Variants in TEX2 observed in about 807,000 individuals in gnomAD.
The protein encoded by TEX2 is testis-expressed protein 2.
TEX2 carries 53 observed loss-of-function variants against 106.9 expected under a neutral mutation model. That is an observed-to-expected ratio of 0.50 (90% CI 0.40 to 0.62). TEX2 has a LOEUF of 0.62. Among genes scored for constraint, TEX2 ranks in the 20% least tolerant of loss-of-function variants. The pLI is 0.00. For missense variants in TEX2, 1,207 were observed against 1,379.0 expected (o/e 0.88, Z 1.98); for synonymous variants, 523 against 534.8 (o/e 0.98, Z 0.30).
At chr17:64,244,404 GC>G (rs1212040788) in intron 1 of TEX2, among the ~76,000 whole-genome samples, 2 of 152,130 alleles carry the variant, frequency 1.3e-5, no homozygotes, top group African/African-American at 4.8e-5. Flanking sequence ...TCTTGAATTT[GC>G]CTCGCACTCA....
chr17:64,192,096 C>T (rs2032322726), intron 4 of TEX2, among the ~76,000 whole-genome samples: 1 of 152,194 alleles, frequency 6.6e-6, no homozygotes, highest in Non-Finnish European at 1.5e-5. Flanking sequence ...AGAAGCAGCA[C>T]AGGTTTAGAC....
chr17:64,256,470 CCT>C lies in TEX2; in HGVS notation c.-26+6696_-26+6697del, dbSNP rs142247017. On this transcript the variant is annotated intron_variant, in intron 1 of 11. Coordinates refer to ENST00000584379, the MANE Select transcript of TEX2 (RefSeq NM_001288732.2). Reference sequence around the variant, plus strand: ...TCTGAGCCTGCCCTTCCCATATTCCCCTCTCTGCCCCTCTGCACAGCAGCCAG... The same window carrying C: ...TCTGAGCCTGCCCTTCCCATATTCCCCTCTGCCCCTCTGCACAGCAGCCAG... Among the ~76,000 whole-genome samples the C allele has an allele frequency of 1.8e-4, 28 of 152,268 alleles. No homozygotes were observed. The East Asian group carries it at 5.2e-3, about 28-fold the overall frequency.
chr17:64,214,032 G>C lies in TEX2; in HGVS notation c.186C>G (p.Asp62Glu). The change falls in exon 2 of 12, where the codon GAC (aspartate) becomes GAG (glutamate). Residue 62 changes from aspartate to glutamate, a missense_variant. This residue lies in a region of TEX2 where 1,067 missense variants were observed against 1,193.6 expected (regional missense o/e 0.89). Transcript: ENST00000584379. ...CTTCCAGCCCTGTTACAATGCTTTG[G>C]TCATCCAGCCCCTCCTCAAAGTACT... The part of the protein sequence containing the change: ...FREYFEEGLD[D>E]QSIVTGLEAK... The C allele has an allele frequency of 6.2e-7, 1 of 1,614,158 alleles. No individual in the cohort carries two copies. Among genetic ancestry groups the C allele is most frequent in the Non-Finnish European group, 8.5e-7 (1 of 1,180,026 alleles).
At chr17:64,210,304 T>C (rs1382762085) in intron 2 of TEX2, among the ~76,000 whole-genome samples, 1 of 152,128 alleles carries the variant, frequency 6.6e-6, no homozygotes, top group Non-Finnish European at 1.5e-5. Context: ...GAAAGTGTCA[T>C]AACATATTGC....
chr17:64,237,492 G>T (rs1274398195), intron 1 of TEX2, among the ~76,000 whole-genome samples: 2 of 152,110 alleles, frequency 1.3e-5, no homozygotes, highest in Non-Finnish European at 2.9e-5. Flanking sequence ...AAATAAACTG[G>T]AAAGAGGCAA....
chr17:64,255,368 C>A (rs1469653825), intron 1 of TEX2, among the ~76,000 whole-genome samples: 5 of 152,088 alleles, frequency 3.3e-5, no homozygotes, highest in African/African-American at 9.7e-5. Flanking sequence ...ATGCAGTGTG[C>A]AGGCATTTTT....
chr17:64,247,338 G>A, intron 1 of TEX2, among the ~76,000 whole-genome samples: 1 of 151,836 alleles, frequency 6.6e-6, no homozygotes. Context: ...AGGAATAAAA[G>A]AGGCAAACCC....
chr17:64,262,133 C>T (rs782350481), intron 1 of TEX2, among the ~76,000 whole-genome samples: 3 of 152,224 alleles, frequency 2.0e-5, no homozygotes, highest in Admixed American at 6.5e-5. Context: ...ATGTGCAGAG[C>T]GGTGATGGTG....
chr17:64,171,126 G>T lies in TEX2; in HGVS notation c.2645C>A (p.Ala882Asp). Residue 882 changes from alanine (A) to aspartate (D), a missense_variant, in exon 7 of 12, where the codon GCC becomes GAC. Around this residue, in one of 3 missense-constraint regions of TEX2, gnomAD observed 1,067 missense variants for 1,193.6 expected, o/e 0.89. Transcript: ENST00000584379. Reference protein sequence around the residue: ...MGVAVPKILQAFKPYVDHQGL... With the variant: ...MGVAVPKILQDFKPYVDHQGL... Reference sequence around the variant, plus strand: ...TTGGTGATCAACGTAAGGCTTGAAGGCCTGGAGGATTTTTGGCACAGCCAC... The same window carrying T: ...TTGGTGATCAACGTAAGGCTTGAAGTCCTGGAGGATTTTTGGCACAGCCAC... 6.2e-7 allele frequency: 1 copy of T among 1,614,106 alleles called. No homozygotes were observed. The highest frequency in any genetic ancestry group is 8.5e-7 in the Non-Finnish European group (1 of 1,179,970).
intron 4 of TEX2, among the ~76,000 whole-genome samples, chr17:64,189,140 C>T (rs1471139713): frequency 6.6e-6 from 1 of 152,172 alleles, no homozygotes; most frequent in African/African-American, 2.4e-5. Context: ...AATTATGCAT[C>T]AAGCACTTTC....
At chr17:64,212,458 TAA>T in intron 2 of TEX2, 114 bp downstream of exon 2, 1 of 992,608 alleles carries the variant, frequency 1.0e-6, no homozygotes, top group Non-Finnish European at 1.5e-6. Flanking sequence ...CCCAAGCTCT[TAA>T]AAAACACGGC....
chr17:64,237,639 G>T (rs1215585980), intron 1 of TEX2, among the ~76,000 whole-genome samples: 1 of 152,144 alleles, frequency 6.6e-6, no homozygotes, highest in East Asian at 1.9e-4. Context: ...AACTTGATGG[G>T]TTGCATATGG....
chr17:64,204,263 T>C (rs2032761278), intron 2 of TEX2, among the ~76,000 whole-genome samples: 1 of 152,214 alleles, frequency 6.6e-6, no homozygotes, highest in South Asian at 2.1e-4. Context: ...AAGTACAGAA[T>C]AGAAATAAAG....
Position 64,177,315 on chromosome 17 carries a change from A to G in TEX2, c.2571+10T>C. On this transcript the variant is annotated intron_variant, in intron 6 of 11. Transcript: ENST00000584379. ...AGAGGATTAGAAGCCTCTTGTGTGG[A>G]AAGTGATACCTTTATTTTGCTGAGT... 1 of 1,614,024 alleles carries G rather than the reference A, an allele frequency of 6.2e-7. No individual in the cohort carries two copies. Among genetic ancestry groups the G allele is most frequent in the South Asian group, 1.1e-5 (1 of 91,048 alleles).
Position 64,213,196 on chromosome 17 carries a change from T to C in TEX2, c.1022A>G (p.Asn341Ser), listed in dbSNP as rs2033064686. 1 of 1,614,222 alleles carries C rather than the reference T, an allele frequency of 6.2e-7. No individual in the cohort carries two copies. Among genetic ancestry groups the C allele is most frequent in the Non-Finnish European group, 8.5e-7 (1 of 1,180,044 alleles). The part of the protein sequence containing the change: ...LSSLNGHLES[N>S]NNYSIKEEEC... ...CTCCTCCTTGATGCTGTAGTTGTTATTGCTTTCCAAGTGCCCATTCAAGCT... is the reference window on the plus strand; with the variant it reads ...CTCCTCCTTGATGCTGTAGTTGTTACTGCTTTCCAAGTGCCCATTCAAGCT... The change falls in exon 2 of 12, where the codon AAT becomes AGT. Residue 341 changes from asparagine (N) to serine (S), a missense_variant. Coordinates refer to ENST00000584379, the MANE Select transcript of TEX2 (RefSeq NM_001288732.2). This position sits in a 1 kb window ranked among gnomAD's most constrained non-coding sequence, Gnocchi z 4.4.
chr17:64,218,803 A>G (rs2033266934), intron 1 of TEX2, among the ~76,000 whole-genome samples: 1 of 152,076 alleles, frequency 6.6e-6, no homozygotes, highest in African/African-American at 2.4e-5. Flanking sequence ...TTCCTCAAGG[A>G]GCCGGGACCC....
In TEX2 at chr17:64,153,283, G is replaced by A; in HGVS notation, c.2931-129C>T. The A allele has an allele frequency of 1.5e-6, 1 of 674,674 alleles. No individual in the cohort carries two copies. The allele number at this position is 674,674 out of a possible 1,614,324, so 41.8% of individuals were successfully genotyped here. Reference sequence around the variant, plus strand: ...TTTTGGATGTGGTGATTCTGTGTTGGGGCGGGGGGCATCCTGTGCATTGCA... The same window carrying A: ...TTTTGGATGTGGTGATTCTGTGTTGAGGCGGGGGGCATCCTGTGCATTGCA... On this transcript the variant is annotated intron_variant, in intron 9 of 11. Transcript: ENST00000584379. This position sits in a 1 kb window ranked among gnomAD's most constrained non-coding sequence, Gnocchi z 4.1.
intron 1 of TEX2, among the ~76,000 whole-genome samples, chr17:64,248,580 T>A (rs1256599488): frequency 6.6e-6 from 1 of 152,246 alleles, no homozygotes; most frequent in East Asian, 1.9e-4. Context: ...ATAAGCCTTT[T>A]ATCAGGCCTC....
intron 1 of TEX2, among the ~76,000 whole-genome samples, chr17:64,254,730 T>C (rs1416493585): frequency 3.3e-5 from 5 of 152,254 alleles, no homozygotes; most frequent in Admixed American, 2.6e-4. Context: ...GCCACTAAAA[T>C]ACTGCTTCTT....
Sources: allele counts gnomAD v4.1 joint callset (sites outside exome capture counted in the v4.1 genomes callset), GRCh38; gene constraint gnomAD v4.1.1; regional missense constraint gnomAD v4.1.1; non-coding constraint Gnocchi (gnomAD v3.1); transcripts MANE v1.5; gene names NCBI Gene and HGNC (gene_info 2026-07-23, HGNC 2026-07-21).